CPS1: variants seen among roughly 807,000 people sequenced by gnomAD.
CPS1 encodes the protein carbamoyl-phosphate synthase [ammonia], mitochondrial.
In CPS1, 109 loss-of-function variants were observed where a neutral mutation model predicts 174.6. The ratio of observed to expected loss-of-function variants is 0.62; its 90% CI spans 0.53 to 0.73. The LOEUF is 0.73. Among genes scored for constraint, CPS1 ranks in the 30% least tolerant of loss-of-function variants. The probability of loss-of-function intolerance (pLI) is 0.00; values close to 1 mark genes in which losing one functional copy is unlikely to be tolerated. For synonymous variants in CPS1, 637 were observed against 632.0 expected (o/e 1.01, Z -0.12); for missense variants, 1,689 against 1,821.9 (o/e 0.93, Z 1.33).
chr2:210,628,701 G>A (rs1279548271), intron 21 of CPS1, among the ~76,000 whole-genome samples: 1 of 151,984 alleles, frequency 6.6e-6, no homozygotes, highest in African/African-American at 2.4e-5. Flanking sequence ...TTCGGAGACT[G>A]AGGCAGGAGA....
chr2:210,591,305 G>A (rs952861866), intron 9 of CPS1, among the ~76,000 whole-genome samples: 1 of 151,990 alleles, frequency 6.6e-6, no homozygotes. Context: ...AACATTTTAA[G>A]AAGGTAAGTG....
At chr2:210,576,310 A>G (rs753609768) in intron 2 of CPS1, 36 bp from the exon 3 acceptor site, 10 of 1,610,580 alleles carry the variant, frequency 6.2e-6, no homozygotes, top group Non-Finnish European at 7.6e-6. Flanking sequence ...AGTTACATAC[A>G]TTATTTGCTG....
chr2:210,594,533 T>C lies in CPS1; in HGVS notation c.1190T>C (p.Leu397Pro). The change falls in exon 12 of 38, where the codon CTG becomes CCG. Residue 397 changes from leucine to proline, a missense_variant. By Grantham distance (98) the Leu-to-Pro change is moderately conservative. Transcript: ENST00000233072. ...TEYLFDSFFSLIKKGKATTIT... is the reference protein window; with the variant it reads ...TEYLFDSFFSPIKKGKATTIT... The stretch of plus-strand genomic sequence containing the variant: ...TACCTGTTTGATTCCTTTTTCTCAC[T>C]GATAAAGAAAGGAAAAGCTACCACC... The C allele has an allele frequency of 6.2e-7, 1 of 1,610,962 alleles. No individual in the cohort carries two copies. Among genetic ancestry groups the C allele is most frequent in the South Asian group, 1.1e-5 (1 of 91,006 alleles).
intron 28 of CPS1, among the ~76,000 whole-genome samples, chr2:210,653,330 G>T (rs549469996): frequency 2.0e-5 from 3 of 152,292 alleles, no homozygotes; most frequent in East Asian, 3.9e-4. Flanking sequence ...GGATTATGTT[G>T]TGGAGGGCAT....
At chr2:210,590,369 T>A (rs1262552758) in intron 8 of CPS1, 135 bp downstream of exon 8, 4 of 1,303,160 alleles carry the variant, frequency 3.1e-6, no homozygotes, top group Non-Finnish European at 4.4e-6. Context: ...TGAGGCAGTG[T>A]CAGTAGAGAT....
At chr2:210,619,578 A>G (rs1278300529) in intron 21 of CPS1, 1 of 152,076 alleles carries the variant, frequency 6.6e-6, no homozygotes, top group African/African-American at 2.4e-5. Flanking sequence ...TATATTTTGC[A>G]ATGTATCATT....
In CPS1 at chr2:210,512,876, A is replaced by G. The variant is rs538432705; in HGVS notation, c.3+35110A>G. On this transcript the variant is annotated intron_variant, in intron 1 of 38. Coordinates refer to the CPS1 transcript ENST00000430249. ...TATATATATATAGATATATATATAT[A>G]GAGATATATATATGGAGATATATAT... 2.8e-4 allele frequency among the ~76,000 whole-genome samples: 14 copies of G among 50,862 alleles called. 1 individual carries two copies. Among genetic ancestry groups the G allele is most frequent in the South Asian group, 8.7e-4 (1 of 1,148 alleles). The allele number at this position is 50,862 out of a possible 152,430, so 33.4% of individuals were successfully genotyped here.
chr2:210,543,772 A>G (rs910950707), intron 1 of CPS1, among the ~76,000 whole-genome samples: 3 of 152,082 alleles, frequency 2.0e-5, no homozygotes, highest in African/African-American at 7.2e-5. Context: ...TCATTTCACC[A>G]TTGCCTAATG....
intron 1 of CPS1, among the ~76,000 whole-genome samples, chr2:210,507,611 G>A (rs1287758250): frequency 2.0e-5 from 3 of 151,338 alleles, no homozygotes; most frequent in African/African-American, 7.3e-5. Flanking sequence ...AGACCCATCA[G>A]TGTGCTGTAT....
intron 22 of CPS1, among the ~76,000 whole-genome samples, chr2:210,638,345 G>A (rs533713896): frequency 1.1e-4 from 17 of 152,150 alleles, no homozygotes; most frequent in African/African-American, 4.1e-4. Flanking sequence ...AGCTCATCTA[G>A]TATTCATGAC....
At position 210,579,729 on chromosome 2, in the gene CPS1, G is replaced by T. The variant is rs200214298; in HGVS notation, c.487G>T (p.Gly163Ter). ...LQEEKVPAIY[G>*]VDTRMLTKII... ...TTTCTTATAGGTTCCTGCAATTTAT[G>T]GAGTGGACACAAGAATGCTGACTAA... The change falls in exon 5 of 38, where the codon GGA becomes TGA. Residue 163 changes from glycine to a stop codon, truncating the protein, a stop_gained. Coordinates refer to ENST00000233072, the MANE Select transcript of CPS1 (RefSeq NM_001875.5). LOFTEE classifies it high-confidence loss of function. 6.2e-7 allele frequency: 1 copy of T among 1,613,072 alleles called. No homozygotes were observed. The highest frequency in any genetic ancestry group is 8.5e-7 in the Non-Finnish European group (1 of 1,179,538).
intron 29 of CPS1, among the ~76,000 whole-genome samples, chr2:210,656,216 T>G (rs1277383020): frequency 6.6e-6 from 1 of 152,224 alleles, no homozygotes; most frequent in Non-Finnish European, 1.5e-5. Context: ...TTCAAATGCT[T>G]TAGCTTCCTA....
intron 33 of CPS1, among the ~76,000 whole-genome samples, chr2:210,665,571 C>T (rs796099799): frequency 2.7e-4 from 41 of 150,298 alleles, no homozygotes; most frequent in African/African-American, 7.8e-4. Context: ...TGAGAACATG[C>T]GGTGTTTGGT....
At chr2:210,507,776 A>G (rs1695331317) in intron 1 of CPS1, among the ~76,000 whole-genome samples, 1 of 152,192 alleles carries the variant, frequency 6.6e-6, no homozygotes, top group African/African-American at 2.4e-5. Context: ...CAAAAGTGAC[A>G]AAGAAGGCCA....
At chr2:210,652,314 G>T (rs945641723) in intron 28 of CPS1, among the ~76,000 whole-genome samples, 1 of 152,140 alleles carries the variant, frequency 6.6e-6, no homozygotes, top group South Asian at 2.1e-4. Flanking sequence ...TTGAATTTTA[G>T]TCATATTTTT....
At chr2:210,502,224 A>G (rs1379901622) in intron 1 of CPS1, among the ~76,000 whole-genome samples, 1 of 151,946 alleles carries the variant, frequency 6.6e-6, no homozygotes, top group Non-Finnish European at 1.5e-5. Context: ...TGGGGACACA[A>G]AGCCAAACCA....
chr2:210,559,739 TCCTAATGC>T (rs915766137), intron 1 of CPS1, among the ~76,000 whole-genome samples: 6 of 152,180 alleles, frequency 3.9e-5, no homozygotes, highest in African/African-American at 1.4e-4. Flanking sequence ...GTTATGCATT[TCCTAATGC>T]CCTGTTCTTG....
intron 1 of CPS1, among the ~76,000 whole-genome samples, chr2:210,557,662 CT>C (rs1416526420): frequency 6.6e-6 from 1 of 152,046 alleles, no homozygotes; most frequent in East Asian, 1.9e-4. Flanking sequence ...TGAAAATAAT[CT>C]TTAGTGACTA....
intron 33 of CPS1, 45 bp downstream of exon 33, chr2:210,663,242 G>A: frequency 6.5e-7 from 1 of 1,535,800 alleles, no homozygotes; most frequent in Non-Finnish European, 9.0e-7. Flanking sequence ...AATCTACTTT[G>A]AAATCTATGG....
Sources: gnomAD v4.1 joint callset for allele counts (sites outside exome capture counted in the v4.1 genomes callset) on GRCh38, gnomAD v4.1.1 for gene constraint, MANE v1.5 for transcripts, NCBI Gene and HGNC (gene_info 2026-07-23, HGNC 2026-07-21) for gene names.